The following HECA variants were observed in gnomAD, a reference collection of about 807,000 sequenced individuals.
HECA encodes HECA ribonucleoprotein granule regulator, also known as headcase protein homolog.
HECA carries 13 observed loss-of-function variants against 37.6 expected under a neutral mutation model. The observed-to-expected ratio is 0.35, with a 90% CI of 0.23 to 0.55. The LOEUF (loss-of-function observed/expected upper bound fraction) is 0.55. Among genes scored for constraint, HECA ranks in the 20% least tolerant of loss-of-function variants. The pLI is 0.90. For synonymous variants in HECA, 307 were observed against 291.5 expected (o/e 1.05, Z -0.54); for missense variants, 527 against 701.9 (o/e 0.75, Z 2.82).
At chr6:139,165,026 GCAA>G (rs1438371349) in intron 1 of HECA, among the ~76,000 whole-genome samples, 2 of 152,256 alleles carry the variant, frequency 1.3e-5, no homozygotes, top group African/African-American at 4.8e-5. Flanking sequence ...AAGAACAGCA[GCAA>G]CAACATTAAT....
Position 139,179,363 on chromosome 6 carries a change from T to G in HECA, c.*2258T>G, listed in dbSNP as rs1245554257. 1 of 152,232 alleles carries G rather than the reference T, an allele frequency of 6.6e-6. No homozygotes were observed. The highest frequency in any genetic ancestry group is 1.5e-5 in the Non-Finnish European group (1 of 68,044). The allele number at this position is 152,232 out of a possible 1,614,324, so 9.4% of individuals were successfully genotyped here. A position where few individuals can be genotyped will look rare whatever the true frequency, so the allele number is the denominator to read the frequency against. On this transcript the variant is annotated 3_prime_UTR_variant, in exon 4 of 4. Transcript: ENST00000367658. ...TGAAGCTTACAATTGACCTATACAT[T>G]GCATTCAGCAAGCTCCTGAATTTAG...
At chr6:139,148,592 C>A (rs1774612056) in intron 1 of HECA, among the ~76,000 whole-genome samples, 1 of 152,152 alleles carries the variant, frequency 6.6e-6, no homozygotes. Context: ...GGTGAAACCC[C>A]ATGTCACTAC....
At chr6:139,154,908 G>A (rs1333714197) in intron 1 of HECA, among the ~76,000 whole-genome samples, 1 of 152,102 alleles carries the variant, frequency 6.6e-6, no homozygotes, top group Non-Finnish European at 1.5e-5. Context: ...TCCTAAGCAA[G>A]GATAATATTG....
intron 1 of HECA, among the ~76,000 whole-genome samples, chr6:139,156,363 A>G (rs1026871154): frequency 1.3e-5 from 2 of 151,968 alleles, no homozygotes; most frequent in African/African-American, 4.8e-5. Context: ...CCACAACACC[A>G]GGCTAATTTT....
At chr6:139,153,102 A>T (rs1774671751) in intron 1 of HECA, 1 of 152,226 alleles carries the variant, frequency 6.6e-6, no homozygotes, top group Admixed American at 6.5e-5. Context: ...CTCCTTGAAC[A>T]TGACCCAAGA....
intron 1 of HECA, 31 bp downstream of exon 1, chr6:139,135,698 C>T (rs1447762392): frequency 4.2e-5 from 41 of 966,350 alleles, no homozygotes; most frequent in Middle Eastern, 5.2e-4. Context: ...CGAGCGCCAA[C>T]TTCCTCCCCG....
At chr6:139,163,139 C>T (rs9495365) in intron 1 of HECA, among the ~76,000 whole-genome samples, 4,045 of 152,248 alleles carry the variant, frequency 0.027, 178 homozygotes, top group African/African-American at 0.091. Context: ...ATTCTTAACT[C>T]GGGGTGATTT....
At position 139,178,270 on chromosome 6, in the gene HECA, G is replaced by C. The variant is rs1026335554; in HGVS notation, c.*1165G>C. The C allele has an allele frequency of 6.6e-6, 1 of 152,178 alleles. No homozygotes were observed. Among genetic ancestry groups the C allele is most frequent in the East Asian group, 1.9e-4 (1 of 5,206 alleles). 9.4% of individuals were successfully genotyped at this position (152,178 alleles called of 1,614,324 possible). ...TGATCATATATATAGAACTTGATTA[G>C]TCAGAGCATTGGGCATTCCAAAATA... On this transcript the variant is annotated 3_prime_UTR_variant, in exon 4 of 4. Coordinates refer to ENST00000367658, the MANE Select transcript of HECA (RefSeq NM_016217.3).
intron 1 of HECA, among the ~76,000 whole-genome samples, chr6:139,149,859 T>A (rs1774630844): frequency 1.3e-5 from 2 of 152,196 alleles, no homozygotes; most frequent in South Asian, 4.1e-4. Context: ...TAGCTGACTT[T>A]GGGATTCTTT....
In HECA at chr6:139,166,378, C is replaced by T. The variant is rs1412346736; in HGVS notation, c.366C>T (p.His122=). 6.2e-7 allele frequency: 1 copy of T among 1,614,234 alleles called. No individual in the cohort carries two copies. Among genetic ancestry groups the T allele is most frequent in the Non-Finnish European group, 8.5e-7 (1 of 1,180,034 alleles). Residue 122 remains histidine (H), a synonymous_variant, in exon 2 of 4, where the codon CAC becomes CAT. Transcript: ENST00000367658. ...DYQKVVCNNE[H]CPCSTWMHLQ... Reference sequence around the variant, plus strand: ...AGAAGGTGGTGTGCAACAACGAGCACTGCCCCTGCAGCACCTGGATGCACC... The same window carrying T: ...AGAAGGTGGTGTGCAACAACGAGCATTGCCCCTGCAGCACCTGGATGCACC...
intron 1 of HECA, among the ~76,000 whole-genome samples, chr6:139,156,741 A>G (rs532562021): frequency 6.6e-6 from 1 of 152,378 alleles, no homozygotes; most frequent in East Asian, 1.9e-4. Context: ...CTGAGTGTGC[A>G]TTCCGCATAC....
intron 1 of HECA, among the ~76,000 whole-genome samples, chr6:139,156,652 G>A (rs996486826): frequency 1.3e-5 from 2 of 152,224 alleles, no homozygotes; most frequent in African/African-American, 2.4e-5. Flanking sequence ...AAACTCAGAA[G>A]TATGAGAGTT....
At chr6:139,154,635 A>G (rs1774691889) in intron 1 of HECA, among the ~76,000 whole-genome samples, 1 of 152,244 alleles carries the variant, frequency 6.6e-6, no homozygotes, top group South Asian at 2.1e-4. Context: ...TAAAGTCATT[A>G]GTCTTTTCAG....
chr6:139,135,376 A>G lies in HECA; in HGVS notation c.-21A>G, dbSNP rs767171667. 8.2e-6 allele frequency: 11 copies of G among 1,343,772 alleles called. No individual in the cohort carries two copies. Among genetic ancestry groups the G allele is most frequent in the Non-Finnish European group, 9.8e-6 (10 of 1,022,808 alleles). 83.2% of individuals were successfully genotyped at this position (1,343,772 alleles called of 1,614,324 possible). On this transcript the variant is annotated 5_prime_UTR_variant, in exon 1 of 4. Coordinates refer to ENST00000367658, the MANE Select transcript of HECA (RefSeq NM_016217.3). The stretch of plus-strand genomic sequence containing the variant: ...CCGCCTTCGCTGACGCCGGGCACCT[A>G]CCTGGACGCGAGCGAGCGAGATGCC...
In HECA at chr6:139,157,589, G is replaced by T. The variant is rs1582940852; in HGVS notation, c.272-8695G>T. Among the ~76,000 whole-genome samples, 5 of 152,204 alleles carry T rather than the reference G, an allele frequency of 3.3e-5. No individual in the cohort carries two copies. The South Asian group carries it at 1.0e-3, about 32-fold the overall frequency. ...TATCTTATGCATGCCATACTGCTTT[G>T]TTGTGAAGAAGAAATCTACTTCTTG... On this transcript the variant is annotated intron_variant, in intron 1 of 3. Transcript: ENST00000367658.
chr6:139,177,105 A>G lies in HECA; in HGVS notation c.1632A>G (p.Ter544TrpextTer1). 1 of 845,358 alleles carries G rather than the reference A, an allele frequency of 1.2e-6. No homozygotes were observed. The highest frequency in any genetic ancestry group is 2.1e-6 in the Non-Finnish European group (1 of 479,650). The allele number at this position is 845,358 out of a possible 1,614,324, so 52.4% of individuals were successfully genotyped here. ...CCTTCAAAGTTCTCGAAGCTTATTG[A>G]TGAAAGCTTTGCTTTAGTAATAGCT... ...FSSFKVLEAY[*>W] The change falls in exon 4 of 4, where the codon TGA becomes TGG. Residue 544 changes from the stop codon to tryptophan (W), a stop_lost. Transcript: ENST00000367658. The surrounding 1 kb of genome is among the most constrained non-coding windows in gnomAD (Gnocchi z 4.9).
In HECA at chr6:139,158,048, A is replaced by G. The variant is rs1201616067; in HGVS notation, c.272-8236A>G. The stretch of plus-strand genomic sequence containing the variant: ...ATATAAAGTGATATGGCATTTGTTA[A>G]CAATTGCTTATAGTTAAACAGTGCT... On this transcript the variant is annotated intron_variant, in intron 1 of 3. Transcript: ENST00000367658. Among the ~76,000 whole-genome samples, 3 of 152,166 alleles carry G rather than the reference A, an allele frequency of 2.0e-5. No individual in the cohort carries two copies. In the South Asian group the frequency reaches 6.2e-4, roughly 32 times the overall value.
chr6:139,140,110 A>G (rs1333763206), intron 1 of HECA, among the ~76,000 whole-genome samples: 1 of 152,224 alleles, frequency 6.6e-6, no homozygotes, highest in Non-Finnish European at 1.5e-5. Flanking sequence ...TATTTAGGCC[A>G]CTAAAGACAC....
At chr6:139,141,766 T>G (rs1178422271) in intron 1 of HECA, among the ~76,000 whole-genome samples, 2 of 151,190 alleles carry the variant, frequency 1.3e-5, no homozygotes, top group East Asian at 3.9e-4. Flanking sequence ...TTTTTTTTTT[T>G]TTTTTGAGAC....
Sources: gnomAD v4.1 joint callset for allele counts (sites outside exome capture counted in the v4.1 genomes callset) on GRCh38, gnomAD v4.1.1 for gene constraint, Gnocchi (gnomAD v3.1) non-coding constraint, MANE v1.5 for transcripts, NCBI Gene and HGNC (gene_info 2026-07-23, HGNC 2026-07-21) for gene names.